The following ARPP21 variants were observed in gnomAD, a reference collection of about 807,000 sequenced individuals.
ARPP21 encodes the protein cAMP-regulated phosphoprotein 21.
In ARPP21, 69 loss-of-function variants were observed where a neutral mutation model predicts 113.2. The observed-to-expected ratio is 0.61, with a 90% CI of 0.50 to 0.74. The LOEUF (loss-of-function observed/expected upper bound fraction) is 0.74. Ranked by LOEUF, ARPP21 falls within the 30% of genes least tolerant of loss-of-function variation. The pLI is 0.00. For synonymous variants in ARPP21, 368 were observed against 375.5 expected (o/e 0.98, Z 0.23); for missense variants, 1,070 against 1,037.4 (o/e 1.03, Z -0.43).
At chr3:35,712,706 C>T (rs1020062055) in intron 11 of ARPP21, among the ~76,000 whole-genome samples, 11 of 151,842 alleles carry the variant, frequency 7.2e-5, no homozygotes, top group African/African-American at 2.7e-4. Flanking sequence ...AGACAAATTT[C>T]TTCATTATTT....
intron 19 of ARPP21, among the ~76,000 whole-genome samples, chr3:35,762,836 C>T (rs182728579): frequency 6.8e-4 from 104 of 152,174 alleles, no homozygotes; most frequent in Admixed American, 6.7e-3. Context: ...AAACCAGACT[C>T]AGACACTAGA....
chr3:35,737,590 G>A (rs2278758), intron 16 of ARPP21, among the ~76,000 whole-genome samples: 17,796 of 152,278 alleles, frequency 0.12, 1,082 homozygotes, highest in East Asian at 0.14. Flanking sequence ...AGGCATGAAA[G>A]TAGGGAGAAT....
chr3:35,660,387 C>G (rs1268984712), intron 1 of ARPP21, among the ~76,000 whole-genome samples: 1 of 152,166 alleles, frequency 6.6e-6, no homozygotes, highest in Non-Finnish European at 1.5e-5. Context: ...TGGGCCCCAT[C>G]CTTCCAGATG....
intron 1 of ARPP21, among the ~76,000 whole-genome samples, chr3:35,664,670 G>A (rs180862422): frequency 6.6e-6 from 1 of 152,270 alleles, no homozygotes; most frequent in East Asian, 1.9e-4. Context: ...GTTTGGCTCC[G>A]GAGCAGGTGG....
chr3:35,695,216 T>G (rs919279294), intron 9 of ARPP21, among the ~76,000 whole-genome samples: 1 of 151,480 alleles, frequency 6.6e-6, no homozygotes, highest in Non-Finnish European at 1.5e-5. Context: ...GAAAGATAGT[T>G]GAAGTAAAGT....
intron 14 of ARPP21, 134 bp downstream of exon 14, chr3:35,721,968 A>G (rs1321184836): frequency 1.6e-6 from 1 of 636,882 alleles, no homozygotes; most frequent in Admixed American, 3.1e-5. Flanking sequence ...GGAAATCAGA[A>G]GGTACAATTT....
At chr3:35,710,686 A>G (rs2090855808) in intron 11 of ARPP21, among the ~76,000 whole-genome samples, 1 of 152,136 alleles carries the variant, frequency 6.6e-6, no homozygotes, top group African/African-American at 2.4e-5. Flanking sequence ...ATGCAATATT[A>G]TGCTGTTTTT....
intron 12 of ARPP21, chr3:35,715,802 C>T (rs980675816): frequency 7.0e-5 from 13 of 186,482 alleles, no homozygotes; most frequent in African/African-American, 2.8e-4. Context: ...ATCACAGGAA[C>T]TTGCAGTTTC....
chr3:35,703,324 T>C (rs960835167), intron 9 of ARPP21, among the ~76,000 whole-genome samples: 1 of 151,886 alleles, frequency 6.6e-6, no homozygotes, highest in Non-Finnish European at 1.5e-5. Flanking sequence ...CACAAGAGTT[T>C]GATTATCTTC....
At chr3:35,698,102 C>A (rs1002640483) in intron 9 of ARPP21, among the ~76,000 whole-genome samples, 3 of 151,668 alleles carry the variant, frequency 2.0e-5, no homozygotes, top group African/African-American at 7.3e-5. Flanking sequence ...ACATTGTTCT[C>A]AGGAAAACTA....
intron 17 of ARPP21, among the ~76,000 whole-genome samples, chr3:35,738,521 C>G (rs1025832882): frequency 4.6e-5 from 7 of 152,142 alleles, no homozygotes; most frequent in African/African-American, 1.4e-4. Flanking sequence ...CTGTCCCATG[C>G]TGAGTGCTTC....
At chr3:35,763,629 A>C (rs1373971124) in intron 19 of ARPP21, among the ~76,000 whole-genome samples, 1 of 152,122 alleles carries the variant, frequency 6.6e-6, no homozygotes, top group East Asian at 1.9e-4. Flanking sequence ...TTTAGCGGCT[A>C]TTGTAAAATT....
At chr3:35,786,800 T>C (rs1298475988) in intron 19 of ARPP21, among the ~76,000 whole-genome samples, 1 of 152,094 alleles carries the variant, frequency 6.6e-6, no homozygotes, top group African/African-American at 2.4e-5. Flanking sequence ...TGAGTGAAAC[T>C]GTGGAGGCTG....
At chr3:35,772,112 G>A (rs1232275480) in intron 19 of ARPP21, among the ~76,000 whole-genome samples, 1 of 152,096 alleles carries the variant, frequency 6.6e-6, no homozygotes, top group East Asian at 1.9e-4. Flanking sequence ...GCTGCAGCTG[G>A]TTATTGCACC....
intron 18 of ARPP21, among the ~76,000 whole-genome samples, chr3:35,740,333 GC>G (rs1355415811): frequency 6.6e-6 from 1 of 152,124 alleles, no homozygotes; most frequent in Non-Finnish European, 1.5e-5. Flanking sequence ...CATTTTCAAG[GC>G]ACACCGATCC....
At chr3:35,735,052 A>G (rs938347964) in intron 15 of ARPP21, among the ~76,000 whole-genome samples, 1 of 152,092 alleles carries the variant, frequency 6.6e-6, no homozygotes. Flanking sequence ...TATCGTATGT[A>G]CTTTTTTTCA....
chr3:35,792,846 A>G (rs1248709186), intron 20 of ARPP21, among the ~76,000 whole-genome samples: 1 of 152,208 alleles, frequency 6.6e-6, no homozygotes, highest in Non-Finnish European at 1.5e-5. Context: ...GCTTATTGGT[A>G]GAAAGTCCTC....
At position 35,748,100 on chromosome 3, in the gene ARPP21, AAGAAAG is replaced by A. The variant is rs1392385711; in HGVS notation, c.2137+4137_2137+4142del. The stretch of plus-strand genomic sequence containing the variant: ...AAAGAAAGAAAGAAAGAAAGAAAGA[AAGAAAG>A]AAAGAAGAAAGAAAGAAAGAAAAGA... On this transcript the variant is annotated intron_variant, in intron 19 of 20. Coordinates refer to ENST00000684406, the MANE Select transcript of ARPP21 (RefSeq NM_001385562.1). 1.2e-4 allele frequency among the ~76,000 whole-genome samples: 17 copies of A among 136,032 alleles called. No individual in the cohort carries two copies. The South Asian group carries it at 3.9e-3, about 31-fold the overall frequency. 89.2% of individuals were successfully genotyped at this position (136,032 alleles called of 152,430 possible).
intron 19 of ARPP21, among the ~76,000 whole-genome samples, chr3:35,790,430 A>T (rs1223152880): frequency 6.6e-6 from 1 of 152,228 alleles, no homozygotes; most frequent in Non-Finnish European, 1.5e-5. Flanking sequence ...TAAAATAGCC[A>T]CAGAATTTTT....
Sources: gnomAD v4.1 joint callset for allele counts (sites outside exome capture counted in the v4.1 genomes callset) on GRCh38, gnomAD v4.1.1 for gene constraint, MANE v1.5 for transcripts, NCBI Gene and HGNC (gene_info 2026-07-23, HGNC 2026-07-21) for gene names.